SGCE: variants seen among roughly 807,000 people sequenced by gnomAD.
SGCE encodes sarcoglycan epsilon, also known as epsilon-sarcoglycan.
Under a neutral mutation model 57.8 loss-of-function variants are expected in SGCE, and 26 were observed. The ratio of observed to expected loss-of-function variants is 0.45; its 90% CI spans 0.33 to 0.62. SGCE has a LOEUF of 0.62. Among genes scored for constraint, SGCE ranks in the 20% least tolerant of loss-of-function variants. SGCE has a pLI of 0.02. For synonymous variants in SGCE, 183 were observed against 189.5 expected, an observed-to-expected ratio of 0.97 and a Z score of 0.28; for missense variants, 468 against 548.6, an observed-to-expected ratio of 0.85 and a Z score of 1.47.
chr7:94,644,110 C>A (rs1289671096), intron 1 of SGCE, among the ~76,000 whole-genome samples: 1 of 152,194 alleles, frequency 6.6e-6, no homozygotes, highest in South Asian at 2.1e-4. Flanking sequence ...AACACAAAAA[C>A]AAAACATCAT....
At chr7:94,585,600 G>A (rs752930727) in intron 10 of SGCE, 85 bp from the exon 11 acceptor site, 1 of 869,834 alleles carries the variant, frequency 1.1e-6, no homozygotes, top group Non-Finnish European at 2.0e-6. Context: ...TTATGGCAAG[G>A]AGAAAGTTTC....
intron 9 of SGCE, chr7:94,598,334 C>T (rs1584518588): frequency 1.1e-5 from 2 of 186,020 alleles, no homozygotes; most frequent in East Asian, 1.6e-4. Flanking sequence ...TCATAAAAAA[C>T]AACCCAAACA....
chr7:94,643,827 G>C (rs1481563163), intron 1 of SGCE, among the ~76,000 whole-genome samples: 1 of 152,080 alleles, frequency 6.6e-6, no homozygotes, highest in African/African-American at 2.4e-5. Context: ...CATTAGAAAA[G>C]GACCAATGCA....
At chr7:94,641,771 T>C (rs571765561) in intron 1 of SGCE, among the ~76,000 whole-genome samples, 12 of 152,180 alleles carry the variant, frequency 7.9e-5, no homozygotes, top group African/African-American at 2.4e-4. Flanking sequence ...GAGAAAAGAA[T>C]ACAATTCAAA....
intron 10 of SGCE, chr7:94,587,817 A>C (rs1797103713): frequency 1.3e-6 from 2 of 1,543,854 alleles, no homozygotes; most frequent in Admixed American, 4.1e-5. Flanking sequence ...AATCTCCTTA[A>C]ATTCACGAAA....
intron 1 of SGCE, among the ~76,000 whole-genome samples, chr7:94,641,944 C>T (rs544604445): frequency 3.9e-5 from 6 of 152,148 alleles, no homozygotes; most frequent in Middle Eastern, 3.4e-3. Flanking sequence ...CCACTGCAAC[C>T]GGCTAAAACC....
intron 1 of SGCE, among the ~76,000 whole-genome samples, chr7:94,649,357 A>G (rs1807562264): frequency 6.6e-6 from 1 of 152,194 alleles, no homozygotes. Context: ...CATGCCAGCA[A>G]CTAATGTTTT....
intron 10 of SGCE, chr7:94,586,856 TA>T (rs1048799608): frequency 1.0e-4 from 100 of 974,850 alleles, no homozygotes; most frequent in Non-Finnish European, 1.1e-4. Context: ...TGCATAATTA[TA>T]AAAAAAAATG....
rs184057059 is a variant in SGCE at position 94,591,696 on chromosome 7, C to G, written c.1254-2964G>C. 2.6e-5 allele frequency among the ~76,000 whole-genome samples: 4 copies of G among 152,276 alleles called. No individual in the cohort carries two copies. The East Asian group carries it at 7.7e-4, about 29-fold the overall frequency. On this transcript the variant is annotated intron_variant, in intron 9 of 10. Coordinates refer to ENST00000648936, the MANE Select transcript of SGCE (RefSeq NM_003919.3). ...TAGCTTGGAAACCACTGATCAAAGT[C>G]AACCTATGCCCTGTCGTTTCTTTTC...
chr7:94,648,713 A>G (rs1383282582), intron 1 of SGCE, among the ~76,000 whole-genome samples: 1 of 152,230 alleles, frequency 6.6e-6, no homozygotes, highest in Non-Finnish European at 1.5e-5. Flanking sequence ...GAGAAAAGCC[A>G]ATGTCATTTT....
chr7:94,610,010 A>C (rs182242975), intron 5 of SGCE, among the ~76,000 whole-genome samples: 1 of 152,324 alleles, frequency 6.6e-6, no homozygotes, highest in East Asian at 1.9e-4. Flanking sequence ...CAGAAAATGG[A>C]ATATTATTCA....
chr7:94,629,654 T>C, intron 2 of SGCE, 65 bp downstream of exon 2: 2 of 1,408,714 alleles, frequency 1.4e-6, no homozygotes, highest in South Asian at 1.2e-5. Flanking sequence ...TATATGTCTA[T>C]ATTATGCAAA....
In SGCE at chr7:94,599,735, A is replaced by G. The variant is rs1562803264; in HGVS notation, c.1038-12T>C. 1.3e-6 allele frequency: 2 copies of G among 1,566,112 alleles called. No individual in the cohort carries two copies. Among genetic ancestry groups the G allele is most frequent in the Middle Eastern group, 1.7e-4 (1 of 5,938 alleles). The stretch of plus-strand genomic sequence containing the variant: ...TGTTTCTCTTTTCCCTAGAAACAAA[A>G]CAAAATTTATGAATTAAATAATAGC... On this transcript the variant is annotated splice_polypyrimidine_tract_variant and intron_variant, in intron 7 of 10. Coordinates refer to ENST00000648936, the MANE Select transcript of SGCE (RefSeq NM_003919.3).
At chr7:94,636,401 A>C (rs1805597250) in intron 1 of SGCE, among the ~76,000 whole-genome samples, 1 of 152,206 alleles carries the variant, frequency 6.6e-6, no homozygotes, top group African/African-American at 2.4e-5. Flanking sequence ...GATTCCTGAC[A>C]GTTACTAACA....
At chr7:94,614,552 C>T (rs79854028) in intron 5 of SGCE, among the ~76,000 whole-genome samples, 12,630 of 152,156 alleles carry the variant, frequency 0.083, 1,770 homozygotes, top group African/African-American at 0.29. Context: ...CTCCTACCTT[C>T]GGTACTCGCC....
chr7:94,652,207 A>C (rs975882517), intron 1 of SGCE, among the ~76,000 whole-genome samples: 1 of 152,178 alleles, frequency 6.6e-6, no homozygotes, highest in Admixed American at 6.5e-5. Flanking sequence ...TAACGAACAC[A>C]GACCCATATC....
intron 9 of SGCE, among the ~76,000 whole-genome samples, chr7:94,593,834 C>T (rs773490967): frequency 5.3e-5 from 8 of 152,060 alleles, no homozygotes; most frequent in Non-Finnish European, 8.8e-5. Flanking sequence ...ATGTGAATAA[C>T]AACCCTTCTT....
chr7:94,611,635 T>G (rs1023279389), intron 5 of SGCE, among the ~76,000 whole-genome samples: 3 of 152,220 alleles, frequency 2.0e-5, no homozygotes, highest in African/African-American at 7.2e-5. Flanking sequence ...TTTAGATAGG[T>G]GCATTGTATG....
intron 6 of SGCE, among the ~76,000 whole-genome samples, chr7:94,601,416 C>A (rs1476638009): frequency 1.6e-5 from 2 of 128,774 alleles, no homozygotes; most frequent in African/African-American, 6.3e-5. Flanking sequence ...GAACCTATCC[C>A]AGTCTTACTT....
Sources: allele counts gnomAD v4.1 joint callset (sites outside exome capture counted in the v4.1 genomes callset), GRCh38; gene constraint gnomAD v4.1.1; transcripts MANE v1.5; gene names NCBI Gene and HGNC (gene_info 2026-07-23, HGNC 2026-07-21).